TESK2: variants seen among roughly 807,000 people sequenced by gnomAD.
The protein encoded by TESK2 is dual specificity testis-specific protein kinase 2.
In TESK2, 39 loss-of-function variants were observed where a neutral mutation model predicts 57.1. The ratio of observed to expected loss-of-function variants is 0.68; its 90% CI spans 0.53 to 0.89. TESK2 has a LOEUF of 0.89. Ranked by LOEUF, TESK2 falls within the 40% of genes least tolerant of loss-of-function variation. The pLI is 0.00. For synonymous variants in TESK2, 249 were observed against 267.9 expected (o/e 0.93, Z 0.69); for missense variants, 646 against 732.1 (o/e 0.88, Z 1.36).
chr1:45,399,668 T>C (rs1649519755), intron 3 of TESK2, among the ~76,000 whole-genome samples: 1 of 152,130 alleles, frequency 6.6e-6, no homozygotes, highest in South Asian at 2.1e-4. Flanking sequence ...CAGGCTGGTC[T>C]TGAACTCCTG....
chr1:45,459,175 C>T (rs576050169), intron 1 of TESK2, among the ~76,000 whole-genome samples: 1 of 152,292 alleles, frequency 6.6e-6, no homozygotes, highest in South Asian at 2.1e-4. Flanking sequence ...TTAAATAGTC[C>T]AGTCTCAATA....
At chr1:45,367,380 G>A (rs1647971358) in intron 4 of TESK2, among the ~76,000 whole-genome samples, 1 of 151,394 alleles carries the variant, frequency 6.6e-6, no homozygotes, top group Non-Finnish European at 1.5e-5. Context: ...TAGAAACTGG[G>A]CATCATTTGG....
chr1:45,431,203 G>A (rs951761242), intron 2 of TESK2, among the ~76,000 whole-genome samples: 3 of 152,066 alleles, frequency 2.0e-5, no homozygotes, highest in African/African-American at 7.2e-5. Context: ...CGGATCACGA[G>A]GTCAGGAGAT....
intron 4 of TESK2, among the ~76,000 whole-genome samples, chr1:45,359,746 C>T (rs2149266684): frequency 6.6e-6 from 1 of 152,096 alleles, no homozygotes; most frequent in African/African-American, 2.4e-5. Context: ...CGACTGTGAT[C>T]CCAGCTACTT....
At chr1:45,364,060 A>G (rs998716461) in intron 4 of TESK2, among the ~76,000 whole-genome samples, 1 of 152,202 alleles carries the variant, frequency 6.6e-6, no homozygotes, top group African/African-American at 2.4e-5. Flanking sequence ...AAGTTCTGGA[A>G]TACCAAGATG....
intron 4 of TESK2, among the ~76,000 whole-genome samples, chr1:45,362,227 T>C (rs1039059969): frequency 1.3e-5 from 2 of 152,258 alleles, no homozygotes; most frequent in South Asian, 4.1e-4. Flanking sequence ...TATATTCTTA[T>C]AGCAGCATAA....
chr1:45,489,954 C>T (rs993469035), intron 1 of TESK2, among the ~76,000 whole-genome samples: 9 of 152,150 alleles, frequency 5.9e-5, no homozygotes, highest in Non-Finnish European at 8.8e-5. Context: ...TTAACACTAC[C>T]GATTCACACC....
chr1:45,412,135 CTAAA>C (rs1650059792), intron 3 of TESK2, among the ~76,000 whole-genome samples: 1 of 152,090 alleles, frequency 6.6e-6, no homozygotes, highest in Non-Finnish European at 1.5e-5. Context: ...AACTGTCAGT[CTAAA>C]TAATTTTTGA....
At chr1:45,408,563 T>C (rs374435034) in intron 3 of TESK2, among the ~76,000 whole-genome samples, 1 of 152,210 alleles carries the variant, frequency 6.6e-6, no homozygotes. Flanking sequence ...CATGAGCCTA[T>C]GGCTCATATA....
chr1:45,417,785 G>T (rs1650304538), intron 3 of TESK2, among the ~76,000 whole-genome samples: 1 of 151,998 alleles, frequency 6.6e-6, no homozygotes, highest in Non-Finnish European at 1.5e-5. Flanking sequence ...TAGAGACGGG[G>T]TTTCACAGTA....
chr1:45,414,350 T>C (rs1418728317), intron 3 of TESK2, among the ~76,000 whole-genome samples: 1 of 152,204 alleles, frequency 6.6e-6, no homozygotes, highest in Non-Finnish European at 1.5e-5. Context: ...TGGCTAACAA[T>C]AATTACATTC....
At chr1:45,433,613 T>C (rs913598834) in intron 2 of TESK2, among the ~76,000 whole-genome samples, 1 of 152,186 alleles carries the variant, frequency 6.6e-6, no homozygotes, top group African/African-American at 2.4e-5. Context: ...AATGACAGGA[T>C]TTCATACATT....
chr1:45,373,043 A>G (rs899484277), intron 4 of TESK2, among the ~76,000 whole-genome samples: 40 of 151,838 alleles, frequency 2.6e-4, no homozygotes, highest in East Asian at 7.7e-4. Flanking sequence ...AAAAAAAAAA[A>G]AAAAGAAAAG....
rs1651340347 is a variant in TESK2, at chr1:45,439,072, C to T, written c.223-17226G>A. 2.6e-5 allele frequency among the ~76,000 whole-genome samples: 4 copies of T among 152,100 alleles called. No individual in the cohort carries two copies. The South Asian group carries it at 8.3e-4, about 32-fold the overall frequency. On this transcript the variant is annotated intron_variant, in intron 2 of 10. Coordinates refer to ENST00000372086, the MANE Select transcript of TESK2 (RefSeq NM_007170.3). ...CCAGTATCTAAGTTTTCAGACAAAG[C>T]TCCCAAACAGAAAATATAAAAACCT...
At chr1:45,474,269 G>A (rs149014304) in intron 1 of TESK2, among the ~76,000 whole-genome samples, 70 of 152,112 alleles carry the variant, frequency 4.6e-4, no homozygotes, top group Non-Finnish European at 7.8e-4. Context: ...CCCAGGAGGC[G>A]GAGCCTGCAG....
chr1:45,415,847 C>G (rs988497414), intron 3 of TESK2, among the ~76,000 whole-genome samples: 1 of 152,120 alleles, frequency 6.6e-6, no homozygotes, highest in Admixed American at 6.6e-5. Context: ...GCAAGCTTGT[C>G]CAACCCACAG....
At chr1:45,384,855 C>T (rs1442352435) in intron 4 of TESK2, among the ~76,000 whole-genome samples, 4 of 152,052 alleles carry the variant, frequency 2.6e-5, no homozygotes, top group Non-Finnish European at 2.9e-5. Context: ...AGAGGCCATG[C>T]TCTTAACCTC....
At chr1:45,351,984 G>C (rs960154337) in intron 5 of TESK2, among the ~76,000 whole-genome samples, 2 of 152,142 alleles carry the variant, frequency 1.3e-5, no homozygotes, top group Admixed American at 1.3e-4. Flanking sequence ...AAGAAAGCCT[G>C]ATACTGTCCT....
chr1:45,379,056 T>C (rs1381015605), intron 4 of TESK2, among the ~76,000 whole-genome samples: 4 of 152,136 alleles, frequency 2.6e-5, no homozygotes, highest in Admixed American at 2.0e-4. Flanking sequence ...TAAATAAGGA[T>C]AGGAAAATAT....
Sources: allele counts gnomAD v4.1 joint callset (sites outside exome capture counted in the v4.1 genomes callset), GRCh38; gene constraint gnomAD v4.1.1; transcripts MANE v1.5; gene names NCBI Gene and HGNC (gene_info 2026-07-23, HGNC 2026-07-21).